NOS1AP: variants seen among roughly 807,000 people sequenced by gnomAD.
The protein encoded by NOS1AP is carboxyl-terminal PDZ ligand of neuronal nitric oxide synthase protein.
Under a neutral mutation model 56.2 loss-of-function variants are expected in NOS1AP, and 21 were observed. That is an observed-to-expected ratio of 0.37 (90% CI 0.26 to 0.54). The LOEUF is 0.54. Ranked by LOEUF, NOS1AP falls within the 20% of genes least tolerant of loss-of-function variation. NOS1AP has a pLI of 0.84. For synonymous variants in NOS1AP, 270 were observed against 274.6 expected, an observed-to-expected ratio of 0.98 and a Z score of 0.17; for missense variants, 522 against 657.8, an observed-to-expected ratio of 0.79 and a Z score of 2.26.
chr1:162,246,773 G>T (rs1653676921), intron 2 of NOS1AP, among the ~76,000 whole-genome samples: 1 of 152,060 alleles, frequency 6.6e-6, no homozygotes, highest in South Asian at 2.1e-4. Flanking sequence ...GTCCCTTCTA[G>T]CTCCCCAATC....
intron 8 of NOS1AP, chr1:162,363,959 G>A (rs1012072855): frequency 1.0e-6 from 1 of 985,396 alleles, no homozygotes; most frequent in East Asian, 1.1e-4. Flanking sequence ...CAAGGTCAGG[G>A]CCTCCAATCT....
chr1:162,147,783 T>C (rs1649543195), intron 1 of NOS1AP, among the ~76,000 whole-genome samples: 1 of 152,226 alleles, frequency 6.6e-6, no homozygotes, highest in Admixed American at 6.5e-5. Context: ...AGTTTGCATC[T>C]TCTGTATAGT....
chr1:162,366,904 A>G, intron 9 of NOS1AP, 148 bp from the exon 10 acceptor site: 1 of 844,160 alleles, frequency 1.2e-6, no homozygotes, highest in Non-Finnish European at 2.0e-6. Context: ...AGGAAGGGTG[A>G]AGTGTTAAGA....
At chr1:162,359,719 CG>C (rs5778269) in intron 8 of NOS1AP, among the ~76,000 whole-genome samples, 27,248 of 149,062 alleles carry the variant, frequency 0.18, 2,562 homozygotes, top group Non-Finnish European at 0.21. Flanking sequence ...TTTCTCTACG[CG>C]GGGGGGGGCT....
chr1:162,082,401 C>T (rs1691915598), intron 1 of NOS1AP, among the ~76,000 whole-genome samples: 1 of 152,188 alleles, frequency 6.6e-6, no homozygotes, highest in Admixed American at 6.5e-5. Context: ...AATGAACATA[C>T]ACATGCATGT....
intron 4 of NOS1AP, among the ~76,000 whole-genome samples, chr1:162,312,975 G>A (rs2819324): frequency 0.55 from 82,499 of 150,736 alleles, 22,762 homozygotes; most frequent in South Asian, 0.59. Context: ...TTGATGGGAC[G>A]TATTTCAAAA....
intron 1 of NOS1AP, among the ~76,000 whole-genome samples, chr1:162,122,292 G>T (rs1019943377): frequency 2.0e-5 from 3 of 152,152 alleles, no homozygotes; most frequent in African/African-American, 7.2e-5. Context: ...AAACTCTTTG[G>T]TGGGCATGTA....
intron 3 of NOS1AP, among the ~76,000 whole-genome samples, chr1:162,288,666 C>G (rs1655165401): frequency 6.6e-6 from 1 of 152,160 alleles, no homozygotes; most frequent in Admixed American, 6.5e-5. Context: ...CGTATTAATC[C>G]AAAACTTGTT....
chr1:162,328,704 C>T (rs542530021), intron 4 of NOS1AP, among the ~76,000 whole-genome samples: 4 of 152,242 alleles, frequency 2.6e-5, no homozygotes, highest in African/African-American at 9.6e-5. Flanking sequence ...GGTCTGTCCC[C>T]CTCAGGGCCA....
intron 5 of NOS1AP, among the ~76,000 whole-genome samples, chr1:162,339,789 G>A (rs1657050553): frequency 6.6e-6 from 1 of 152,210 alleles, no homozygotes; most frequent in Non-Finnish European, 1.5e-5. Flanking sequence ...AAGTGGGGTA[G>A]GCCTAGCAGG....
At chr1:162,239,009 A>C (rs946583274) in intron 2 of NOS1AP, among the ~76,000 whole-genome samples, 3 of 152,266 alleles carry the variant, frequency 2.0e-5, no homozygotes, top group Non-Finnish European at 4.4e-5. Flanking sequence ...AAAGACCTCC[A>C]ATCTACATTA....
At chr1:162,307,823 A>AG (rs1214922597) in intron 4 of NOS1AP, among the ~76,000 whole-genome samples, 1 of 152,116 alleles carries the variant, frequency 6.6e-6, no homozygotes, top group African/African-American at 2.4e-5. Flanking sequence ...AAAAGAAAAA[A>AG]AAAAAAAAGA....
intron 4 of NOS1AP, among the ~76,000 whole-genome samples, chr1:162,301,616 A>G (rs1484301967): frequency 1.3e-5 from 2 of 152,222 alleles, no homozygotes; most frequent in Non-Finnish European, 2.9e-5. Context: ...TATATCAGAT[A>G]GCAAGAACAT....
intron 1 of NOS1AP, among the ~76,000 whole-genome samples, chr1:162,081,041 TTAACTCTTGTGC>T (rs1347166819): frequency 3.9e-5 from 6 of 152,316 alleles, no homozygotes; most frequent in Non-Finnish European, 4.4e-5. Context: ...GTCTCCATTG[TTAACTCTTGTGC>T]TGTATGTCAT....
chr1:162,220,103 A>C (rs1261040535), intron 2 of NOS1AP, among the ~76,000 whole-genome samples: 1 of 152,088 alleles, frequency 6.6e-6, no homozygotes, highest in African/African-American at 2.4e-5. Context: ...GGCTAATTTT[A>C]AAAGTTTTTG....
intron 1 of NOS1AP, among the ~76,000 whole-genome samples, chr1:162,130,629 GAA>G (rs1648709282): frequency 6.6e-6 from 1 of 152,156 alleles, no homozygotes; most frequent in South Asian, 2.1e-4. Flanking sequence ...TTAAGGCAAG[GAA>G]AAGGCTTTTC....
At chr1:162,123,962 T>C (rs1648364175) in intron 1 of NOS1AP, among the ~76,000 whole-genome samples, 1 of 152,204 alleles carries the variant, frequency 6.6e-6, no homozygotes, top group African/African-American at 2.4e-5. Context: ...CATTATCTTC[T>C]CTACAGACTT....
At chr1:162,091,499 TAG>T (rs960308362) in intron 1 of NOS1AP, among the ~76,000 whole-genome samples, 8 of 152,214 alleles carry the variant, frequency 5.3e-5, no homozygotes, top group Non-Finnish European at 1.2e-4. Context: ...TTATTTTTTG[TAG>T]AGACTGTGGA....
rs548533896 is a variant in NOS1AP, at chr1:162,369,220, C to T, written c.*1753C>T. On this transcript the variant is annotated 3_prime_UTR_variant, in exon 10 of 10. Coordinates refer to ENST00000361897, the MANE Select transcript of NOS1AP (RefSeq NM_014697.3). ...TCAGCAACAGATTTGTGTTTTCTAA[C>T]ATGCATTTAGTTGGAGAGGCATGGT... 18 of 152,312 alleles carry T rather than the reference C, an allele frequency of 1.2e-4. No homozygotes were observed. Among genetic ancestry groups the T allele is most frequent in the African/African-American group, 3.9e-4 (16 of 41,548 alleles). 9.4% of individuals were successfully genotyped at this position (152,312 alleles called of 1,614,324 possible).
Sources: allele counts gnomAD v4.1 joint callset (sites outside exome capture counted in the v4.1 genomes callset), GRCh38; gene constraint gnomAD v4.1.1; transcripts MANE v1.5; gene names NCBI Gene and HGNC (gene_info 2026-07-23, HGNC 2026-07-21).